HNRNPC: variants seen among roughly 807,000 people sequenced by gnomAD.
HNRNPC encodes the protein heterogeneous nuclear ribonucleoproteins C1/C2.
A neutral mutation model predicts 33.2 loss-of-function variants in HNRNPC; 3 were observed. The ratio of observed to expected loss-of-function variants is 0.09; its 90% CI spans 0.04 to 0.23. HNRNPC has a LOEUF of 0.23. Ranked by LOEUF, HNRNPC falls within the 10% of genes least tolerant of loss-of-function variation. The pLI is 1.00. For synonymous variants in HNRNPC, 121 were observed against 126.7 expected, an observed-to-expected ratio of 0.96 and a Z score of 0.30; for missense variants, 143 against 366.7, an observed-to-expected ratio of 0.39 and a Z score of 4.98.
chr14:21,219,590 A>G (rs1490480828), intron 5 of HNRNPC, among the ~76,000 whole-genome samples: 3 of 152,190 alleles, frequency 2.0e-5, no homozygotes, highest in Non-Finnish European at 2.9e-5. Context: ...ATATTCATAC[A>G]GTTTCCAAGA....
intron 2 of HNRNPC, among the ~76,000 whole-genome samples, chr14:21,252,860 A>AT (rs981840801): frequency 4.7e-4 from 72 of 152,260 alleles, no homozygotes; most frequent in African/African-American, 1.6e-3. Context: ...TCTTTTGTGT[A>AT]TGTGAAATTT....
chr14:21,268,752 T>C (rs1292769530), intron 1 of HNRNPC: 31 of 152,230 alleles, frequency 2.0e-4, no homozygotes, highest in Admixed American at 2.0e-3. Context: ...AATAACTACT[T>C]CGAGCTCCAT....
chr14:21,232,192 A>C (rs1894193113), intron 3 of HNRNPC, among the ~76,000 whole-genome samples: 1 of 152,174 alleles, frequency 6.6e-6, no homozygotes, highest in Non-Finnish European at 1.5e-5. Context: ...TCCTTGTTCT[A>C]AAAAGCCCAT....
intron 5 of HNRNPC, among the ~76,000 whole-genome samples, chr14:21,229,226 TA>T (rs747544453): frequency 2.0e-4 from 30 of 151,168 alleles, no homozygotes; most frequent in Non-Finnish European, 3.4e-4. Flanking sequence ...CCGTCTCTAC[TA>T]AAAATACAAA....
chr14:21,220,781 T>C (rs1358034214), intron 5 of HNRNPC, among the ~76,000 whole-genome samples: 1 of 151,946 alleles, frequency 6.6e-6, no homozygotes, highest in African/African-American at 2.4e-5. Flanking sequence ...GAATAAAAGT[T>C]GAATATCATA....
At chr14:21,257,649 A>G (rs770609482) in intron 2 of HNRNPC, among the ~76,000 whole-genome samples, 1 of 151,946 alleles carries the variant, frequency 6.6e-6, no homozygotes, top group South Asian at 2.1e-4. Context: ...ACAGTGGCGC[A>G]ATCATAACTC....
At chr14:21,231,403 C>T in intron 3 of HNRNPC, 2 of 470,348 alleles carry the variant, frequency 4.3e-6, no homozygotes, top group Non-Finnish European at 8.5e-6. Context: ...GTCATACAAG[C>T]TGGAGTGCAG....
chr14:21,233,074 T>G lies in HNRNPC; in HGVS notation c.241+879A>C, dbSNP rs570673624. ...AGGACTGAATATATTGTCTATTTGC[T>G]GAACACCATTACATGAATAACCTTC... On this transcript the variant is annotated intron_variant, in intron 3 of 8. Transcript: ENST00000553300. 7.2e-5 allele frequency among the ~76,000 whole-genome samples: 11 copies of G among 152,102 alleles called. No homozygotes were observed. In the South Asian group the frequency reaches 2.3e-3, roughly 32 times the overall value.
chr14:21,243,866 T>A (rs1045990230), intron 2 of HNRNPC, among the ~76,000 whole-genome samples: 1 of 152,100 alleles, frequency 6.6e-6, no homozygotes, highest in South Asian at 2.1e-4. Flanking sequence ...CACGTAGAGG[T>A]TCTAACACTA....
Position 21,211,414 on chromosome 14 carries a change from C to T in HNRNPC, c.790G>A (p.Asp264Asn). 7.0e-7 allele frequency: 1 copy of T among 1,438,250 alleles called. No individual in the cohort carries two copies. Among genetic ancestry groups the T allele is most frequent in the Non-Finnish European group, 9.3e-7 (1 of 1,073,248 alleles). 89.1% of individuals were successfully genotyped at this position (1,438,250 alleles called of 1,614,324 possible). The change falls in exon 8 of 9, where the codon GAT (aspartate) becomes AAT (asparagine). Residue 264 changes from aspartate (D) to asparagine (N), a missense_variant. Around this residue, in one of 2 missense-constraint regions of HNRNPC, gnomAD observed 131 missense variants for 253.0 expected, o/e 0.52. Coordinates refer to ENST00000553300, the MANE Select transcript of HNRNPC (RefSeq NM_004500.4). ...LDDDDNEDRG[D>N]DQLELIKDDE... ...TTTCCCGTGGTTTTCACCTGGTCAT[C>T]CCCCCGATCTTCATTATCATCATCA...
intron 3 of HNRNPC, chr14:21,231,486 C>T (rs1162083305): frequency 2.3e-5 from 10 of 433,120 alleles, no homozygotes; most frequent in Admixed American, 1.8e-4. Context: ...TAGCAGGGAC[C>T]ACCACGCCTG....
At chr14:21,233,908 A>G (rs757597406) in intron 3 of HNRNPC, 45 bp downstream of exon 3, 2 of 1,583,722 alleles carry the variant, frequency 1.3e-6, no homozygotes, top group South Asian at 2.3e-5. Context: ...CGTGAATAGA[A>G]AAACTCAGGC....
In HNRNPC at chr14:21,213,108, A is replaced by G; in HGVS notation, c.375T>C (p.Ser125=). The G allele has an allele frequency of 6.2e-7, 1 of 1,614,060 alleles. No homozygotes were observed. The highest frequency in any genetic ancestry group is 8.5e-7 in the Non-Finnish European group (1 of 1,179,948). The change falls in exon 6 of 9, where the codon AGT becomes AGC. Residue 125 remains serine (S), a synonymous_variant. Coordinates refer to ENST00000553300, the MANE Select transcript of HNRNPC (RefSeq NM_004500.4). The part of the protein sequence containing the change: ...FQRDYYDRMY[S]YPARVPPPPP... ...GAGGAGGAGGTACACGTGCTGGGTA[A>G]CTGTACATCCTATTGGATAAGAGGA... is the stretch of plus-strand genomic sequence containing the variant.
At chr14:21,241,257 CAAA>C (rs56033944) in intron 2 of HNRNPC, among the ~76,000 whole-genome samples, 7 of 93,982 alleles carry the variant, frequency 7.4e-5, no homozygotes, top group East Asian at 2.8e-4. Context: ...GACTATGTCT[CAAA>C]AAAAAAAAAA....
chr14:21,209,282 C>G lies in HNRNPC; in HGVS notation c.*1941G>C, dbSNP rs1338143985. 4 of 152,114 alleles carry G rather than the reference C, an allele frequency of 2.6e-5. No individual in the cohort carries two copies. The highest frequency in any genetic ancestry group is 4.4e-5 in the Non-Finnish European group (3 of 68,016). The allele number at this position is 152,114 out of a possible 1,614,324, so 9.4% of individuals were successfully genotyped here. ...GCAGATTGTGGTGTTCACAGCTAAA[C>G]AGACTGCTCTGTGCAGGGAGAGGCC... On this transcript the variant is annotated 3_prime_UTR_variant, in exon 9 of 9. Coordinates refer to ENST00000553300, the MANE Select transcript of HNRNPC (RefSeq NM_004500.4).
At chr14:21,234,951 A>G (rs958570997) in intron 2 of HNRNPC, 2 of 152,230 alleles carry the variant, frequency 1.3e-5, no homozygotes, top group Non-Finnish European at 2.9e-5. Flanking sequence ...AATATAGGAC[A>G]TTTAATAATA....
At chr14:21,259,521 ATTCT>A (rs1412715976) in intron 2 of HNRNPC, among the ~76,000 whole-genome samples, 1 of 152,164 alleles carries the variant, frequency 6.6e-6, no homozygotes, top group Non-Finnish European at 1.5e-5. Flanking sequence ...TGTTTAAAAT[ATTCT>A]TTTTCCCACC....
Position 21,225,448 on chromosome 14 carries a change from AAAAC to A in HNRNPC, c.365+4867_365+4870del, listed in dbSNP as rs893445022. 8.6e-5 allele frequency among the ~76,000 whole-genome samples: 13 copies of A among 152,034 alleles called. 1 individual carries two copies. The highest frequency in any genetic ancestry group is 3.4e-3 in the Middle Eastern group (1 of 294). ...CTCTGTCTCAAAAAAAGGAAAAAAA[AAAAC>A]AGAGAGAGATGAGACGACTCAAGAA... On this transcript the variant is annotated intron_variant, in intron 5 of 8. Coordinates refer to ENST00000553300, the MANE Select transcript of HNRNPC (RefSeq NM_004500.4).
At chr14:21,262,146 C>CA (rs1878352753) in intron 2 of HNRNPC, among the ~76,000 whole-genome samples, 1 of 152,114 alleles carries the variant, frequency 6.6e-6, no homozygotes, top group South Asian at 2.1e-4. Flanking sequence ...AGTGAGACAG[C>CA]ATTTTAATAT....
Sources: allele counts gnomAD v4.1 joint callset (sites outside exome capture counted in the v4.1 genomes callset), GRCh38; gene constraint gnomAD v4.1.1; regional missense constraint gnomAD v4.1.1; transcripts MANE v1.5; gene names NCBI Gene and HGNC (gene_info 2026-07-23, HGNC 2026-07-21).